Variants in MTO1 observed in about 807,000 individuals in gnomAD.
The protein encoded by MTO1 is mitochondrial tRNA translation optimization 1.
Under a neutral mutation model 71.6 loss-of-function variants are expected in MTO1, and 46 were observed. That is an observed-to-expected ratio of 0.64 (90% CI 0.51 to 0.82). The LOEUF is 0.82. MTO1 is among the 40% of genes least tolerant of loss of function. The probability of loss-of-function intolerance (pLI) is 0.00; values close to 1 mark genes in which losing one functional copy is unlikely to be tolerated. For synonymous variants in MTO1, 297 were observed against 312.1 expected (o/e 0.95, Z 0.51); for missense variants, 773 against 867.5 (o/e 0.89, Z 1.37).
intron 1 of MTO1, chr6:73,463,963 A>C (rs1770901949): frequency 6.6e-6 from 1 of 151,436 alleles, no homozygotes; most frequent in Non-Finnish European, 1.5e-5. Flanking sequence ...CTGGTCTCCA[A>C]CTCCTGACTT....
At position 73,492,263 on chromosome 6, in the gene MTO1, T is replaced by C. The variant is rs185347132; in HGVS notation, c.1667T>C (p.Val556Ala). 5.1e-5 allele frequency: 82 copies of C among 1,613,722 alleles called. No homozygotes were observed. In the East Asian group the frequency reaches 1.5e-3, roughly 30 times the overall value. ...RALDVLKYEEVDMDSLAKAVP... is the reference protein window; with the variant it reads ...RALDVLKYEEADMDSLAKAVP... ...CTCGATGTTCTGAAGTATGAGGAAGTTGACATGGATTCATTAGCCAAGGCT... is the reference window on the plus strand; with the variant it reads ...CTCGATGTTCTGAAGTATGAGGAAGCTGACATGGATTCATTAGCCAAGGCT... Residue 556 changes from valine (V) to alanine (A), a missense_variant, in exon 10 of 12, where the codon GTT becomes GCT. Transcript: ENST00000498286.
intron 10 of MTO1, among the ~76,000 whole-genome samples, chr6:73,494,339 A>G (rs1771921832): frequency 6.6e-6 from 1 of 152,190 alleles, no homozygotes; most frequent in Non-Finnish European, 1.5e-5. Context: ...AAAGCAGGGA[A>G]CAGGATAACA....
intron 1 of MTO1, among the ~76,000 whole-genome samples, chr6:73,465,571 A>G (rs1478944091): frequency 6.6e-6 from 1 of 152,196 alleles, no homozygotes; most frequent in African/African-American, 2.4e-5. Flanking sequence ...GTATCAAAAA[A>G]GAACAAATTT....
intron 7 of MTO1, 24 bp from the exon 8 acceptor site, chr6:73,482,016 T>C: frequency 1.2e-6 from 2 of 1,613,816 alleles, no homozygotes; most frequent in Non-Finnish European, 1.7e-6. Flanking sequence ...TAATGGCCTT[T>C]TAAACATTTC....
intron 9 of MTO1, among the ~76,000 whole-genome samples, chr6:73,482,916 C>T (rs1481391002): frequency 5.3e-5 from 8 of 151,520 alleles, no homozygotes; most frequent in African/African-American, 1.5e-4. Flanking sequence ...CTCAGCCCCC[C>T]GAGTAGCTGG....
intron 4 of MTO1, 129 bp downstream of exon 4, chr6:73,473,783 A>G: frequency 2.8e-6 from 2 of 708,830 alleles, no homozygotes; most frequent in East Asian, 3.0e-5. Flanking sequence ...GTGCAAAGAA[A>G]TGATTTTTTT....
chr6:73,496,922 T>A (rs1406509338), intron 10 of MTO1, among the ~76,000 whole-genome samples: 4 of 151,200 alleles, frequency 2.6e-5, no homozygotes, highest in African/African-American at 7.3e-5. Flanking sequence ...GCGTGGTGGC[T>A]TGCGTCTATA....
chr6:73,475,339 A>G (rs1290094856), intron 4 of MTO1, among the ~76,000 whole-genome samples: 2 of 151,596 alleles, frequency 1.3e-5, no homozygotes, highest in Non-Finnish European at 2.9e-5. Flanking sequence ...CTGTGGTGCA[A>G]TGGCACGATC....
At chr6:73,491,710 C>T (rs775147849) in intron 9 of MTO1, among the ~76,000 whole-genome samples, 1 of 152,162 alleles carries the variant, frequency 6.6e-6, no homozygotes, top group Admixed American at 6.6e-5. Context: ...GCCATGCCAC[C>T]CTTACCAGCA....
Position 73,500,732 on chromosome 6 carries a change from AT to A in MTO1, c.2077del (p.Ter693SerfsTer9). On this transcript the variant is annotated frameshift_variant and stop_lost, in exon 12 of 12. Transcript: ENST00000498286. LOFTEE classifies it high-confidence loss of function. ...CAGACAGACTTCAAGAGAGAGAGTT[AT>A]AGCTTTCAATTCATAAAAGATTTTT... ...DADRLQEREL[*>X] 6.4e-7 allele frequency: 1 copy of A among 1,573,034 alleles called. No homozygotes were observed. The highest frequency in any genetic ancestry group is 8.6e-7 in the Non-Finnish European group (1 of 1,160,754).
Position 73,491,266 on chromosome 6 carries a change from GAA to G in MTO1, c.1638-955_1638-954del, listed in dbSNP as rs11315438. 4.3e-3 allele frequency among the ~76,000 whole-genome samples: 632 copies of G among 145,886 alleles called. 1 individual carries two copies. Among genetic ancestry groups the G allele is most frequent in the Middle Eastern group, 0.014 (4 of 280 alleles). ...TGACATGTAGATTATACCAAATTAG[GAA>G]AAAAAAAAAAAATCAGACAGAATAT... On this transcript the variant is annotated intron_variant, in intron 9 of 11. Transcript: ENST00000498286.
chr6:73,462,247 C>CTAT, intron 1 of MTO1, 176 bp downstream of exon 1: 1 of 650,666 alleles, frequency 1.5e-6, no homozygotes, highest in Non-Finnish European at 2.6e-6. Context: ...GGCCAGAACT[C>CTAT]TATATTAGTC....
rs1242210750 is a variant in MTO1, at chr6:73,501,814, C to A, written c.*1079C>A. 6.6e-6 allele frequency: 1 copy of A among 152,262 alleles called. No homozygotes were observed. Among genetic ancestry groups the A allele is most frequent in the South Asian group, 2.1e-4 (1 of 4,824 alleles). The allele number at this position is 152,262 out of a possible 1,614,324, so 9.4% of individuals were successfully genotyped here. A position where few individuals can be genotyped will look rare whatever the true frequency, so the allele number is the denominator to read the frequency against. ...GCCAAAGCAGGTACTCAGGAGAGTT[C>A]TAAGGGCCCCAAAGTCACTTTGGCT... On this transcript the variant is annotated 3_prime_UTR_variant, in exon 12 of 12. Coordinates refer to ENST00000498286, the MANE Select transcript of MTO1 (RefSeq NM_012123.4).
chr6:73,508,246 A>C lies in MTO1; in HGVS notation c.*7511A>C, dbSNP rs1334397652. 1.3e-5 allele frequency: 2 copies of C among 152,316 alleles called. No homozygotes were observed. Among genetic ancestry groups the C allele is most frequent in the East Asian group, 3.9e-4 (2 of 5,184 alleles). 9.4% of individuals were successfully genotyped at this position (152,316 alleles called of 1,614,324 possible). On this transcript the variant is annotated 3_prime_UTR_variant, in exon 12 of 12. Transcript: ENST00000498286. ...AATATTCCTCCTATATCTGAAGACA[A>C]TAATAATTTCTTAGAATTTGCTAGG...
intron 9 of MTO1, among the ~76,000 whole-genome samples, chr6:73,483,272 G>A (rs1220637845): frequency 6.6e-6 from 1 of 151,932 alleles, no homozygotes; most frequent in East Asian, 2.0e-4. Flanking sequence ...AGCCGGGCGT[G>A]GTAGTGCACA....
rs540335971 is a variant in MTO1, at chr6:73,492,251, A to G, written c.1655A>G (p.Lys552Arg). The G allele has an allele frequency of 1.2e-5, 20 of 1,612,632 alleles. No homozygotes were observed. The South Asian group carries it at 2.2e-4, about 18-fold the overall frequency. The change falls in exon 10 of 12, where the codon AAG becomes AGG. Residue 552 changes from lysine to arginine, a missense_variant. Transcript: ENST00000498286. ...SLPVRALDVL[K>R]YEEVDMDSLA... Reference sequence around the variant, plus strand: ...ATTTGCAGAGCTCTCGATGTTCTGAAGTATGAGGAAGTTGACATGGATTCA... The same window carrying G: ...ATTTGCAGAGCTCTCGATGTTCTGAGGTATGAGGAAGTTGACATGGATTCA...
At chr6:73,466,007 G>A (rs930902744) in intron 1 of MTO1, among the ~76,000 whole-genome samples, 2 of 152,098 alleles carry the variant, frequency 1.3e-5, no homozygotes, top group African/African-American at 4.8e-5. Flanking sequence ...GGAAGTTCAG[G>A]AAGTGGTTTG....
chr6:73,492,073 G>A, intron 9 of MTO1, 161 bp from the exon 10 acceptor site: 1 of 518,432 alleles, frequency 1.9e-6, no homozygotes, highest in East Asian at 3.5e-5. Flanking sequence ...CTGCACTACA[G>A]TTGATGGGCG....
At chr6:73,464,808 C>T (rs1429865405) in intron 1 of MTO1, among the ~76,000 whole-genome samples, 1 of 134,004 alleles carries the variant, frequency 7.5e-6, no homozygotes, top group East Asian at 2.2e-4. Context: ...GCACTCCAGC[C>T]TGGGCAACAA....
Sources: gnomAD v4.1 joint callset for allele counts (sites outside exome capture counted in the v4.1 genomes callset) on GRCh38, gnomAD v4.1.1 for gene constraint, MANE v1.5 for transcripts, NCBI Gene and HGNC (gene_info 2026-07-23, HGNC 2026-07-21) for gene names.